The following GABRE variants were observed in gnomAD, a reference collection of about 807,000 sequenced individuals.
The protein encoded by GABRE is gamma-aminobutyric acid receptor subunit epsilon.
GABRE carries 20 observed loss-of-function variants against 31.0 expected under a neutral mutation model. The ratio of observed to expected loss-of-function variants is 0.64; its 90% CI spans 0.45 to 0.94. GABRE has a LOEUF of 0.94. Among genes scored for constraint, GABRE ranks in the 40% least tolerant of loss-of-function variants. The pLI, the probability that GABRE is intolerant of heterozygous loss-of-function variation, is 0.00. For missense variants in GABRE, 420 were observed against 410.7 expected (o/e 1.02, Z -0.20); for synonymous variants, 155 against 150.6 (o/e 1.03, Z -0.21).
chrX:151,972,636 G>A, intron 1 of GABRE: 1 of 752,981 alleles, frequency 1.3e-6, no homozygotes, highest in Non-Finnish European at 1.6e-6. Context: ...AAGCCCTCCT[G>A]CCCCTAGACT....
intron 4 of GABRE, 116 bp downstream of exon 4, chrX:151,962,307 G>T: frequency 1.6e-6 from 1 of 630,103 alleles, no homozygotes. Context: ...TAGGAAAGCT[G>T]GACAGGCCCT....
chrX:151,971,274 T>C, intron 1 of GABRE: 1 of 331,831 alleles, frequency 3.0e-6, no homozygotes, highest in Non-Finnish European at 5.8e-6. Flanking sequence ...TGACAACTCA[T>C]CAGCTGTACA....
intron 3 of GABRE, among the ~76,000 whole-genome samples, chrX:151,967,228 G>A: frequency 8.9e-6 from 1 of 112,235 alleles, no homozygotes; most frequent in East Asian, 2.8e-4. Flanking sequence ...AGAAAAGAAG[G>A]GGCAAACCAG....
chrX:151,972,046 A>AT, intron 1 of GABRE: 1 of 753,174 alleles, frequency 1.3e-6, no homozygotes, highest in Non-Finnish European at 1.6e-6. Context: ...TTCCAAAAGG[A>AT]TTTTTTTAAG....
rs746404141 is a variant in GABRE at position 151,974,618 on chromosome X, GACA to G, written c.5_7del (p.Leu2del). On this transcript the variant is annotated inframe_deletion, in exon 1 of 9. Coordinates refer to ENST00000370328, the MANE Select transcript of GABRE (RefSeq NM_004961.4). Reference sequence around the variant, plus strand: ...GCCTAGGAGGACTGGAAGAACTTTGGACAACATTTCCGCGGAGACCGGCGCGAC... The same window carrying G: ...GCCTAGGAGGACTGGAAGAACTTTGGACATTTCCGCGGAGACCGGCGCGAC... The G allele has an allele frequency of 2.4e-5, 28 of 1,175,559 alleles. No homozygotes were observed. Among genetic ancestry groups the G allele is most frequent in the Middle Eastern group, 2.3e-4 (1 of 4,293 alleles).
chrX:151,974,347 G>T (rs1934824836), intron 1 of GABRE, among the ~76,000 whole-genome samples: 1 of 111,558 alleles, frequency 9.0e-6, no homozygotes, highest in Non-Finnish European at 1.9e-5. Flanking sequence ...CTTCCTTTTG[G>T]AGCTCCCCCT....
intron 3 of GABRE, chrX:151,969,457 G>A (rs1167051602): frequency 2.4e-5 from 8 of 326,655 alleles, no homozygotes; most frequent in Admixed American, 5.6e-5. Context: ...TGGAAGATAT[G>A]GTCATGATTC....
At chrX:151,957,764 C>T (rs1934222511) in intron 6 of GABRE, 1 of 219,465 alleles carries the variant, frequency 4.6e-6, no homozygotes, top group South Asian at 5.7e-5. Context: ...TGAACCAAAG[C>T]AAAAAAATAT....
chrX:151,963,517 C>T (rs1309004345), intron 3 of GABRE, among the ~76,000 whole-genome samples: 1 of 112,438 alleles, frequency 8.9e-6, no homozygotes, highest in East Asian at 2.8e-4. Flanking sequence ...TGATTCCACA[C>T]TTTGGGAAAG....
chrX:151,971,501 T>C (rs1934693634), intron 1 of GABRE: 1 of 155,214 alleles, frequency 6.4e-6, no homozygotes, highest in Non-Finnish European at 1.2e-5. Flanking sequence ...TTTGGTGTAA[T>C]TATGGTATTT....
At position 151,969,718 on chromosome X, in the gene GABRE, G is replaced by A; in HGVS notation, c.293C>T (p.Thr98Ile). The change falls in exon 3 of 9, where the codon ACT (threonine) becomes ATT (isoleucine). Residue 98 changes from threonine (T) to isoleucine (I), a missense_variant. By Grantham distance (89) the Thr-to-Ile change is moderately conservative. Transcript: ENST00000370328. ...PGIGEKPTVV[T>I]VEISVNSLGP... is the part of the protein sequence containing the mutation. ...AAGGCTGTTGACGGAGATCTCAACAGTGACCACAGTGGGCTTCTCTATAAG... is the reference window on the plus strand; with the variant it reads ...AAGGCTGTTGACGGAGATCTCAACAATGACCACAGTGGGCTTCTCTATAAG... 8.3e-7 allele frequency: 1 copy of A among 1,210,254 alleles called. No individual in the cohort carries two copies. The highest frequency in any genetic ancestry group is 1.1e-6 in the Non-Finnish European group (1 of 894,618).
chrX:151,963,631 T>A (rs1168921908), intron 3 of GABRE, among the ~76,000 whole-genome samples: 1 of 112,563 alleles, frequency 8.9e-6, no homozygotes. Flanking sequence ...CTAGAGCACC[T>A]TCCTGGTCAC....
rs1024024589 is a variant in GABRE, at chrX:151,970,877, T to G, written c.57-475A>C. 5.4e-5 allele frequency among the ~76,000 whole-genome samples: 6 copies of G among 110,963 alleles called. No homozygotes were observed. In the East Asian group the frequency reaches 1.7e-3, roughly 32 times the overall value. ...AAATTGTGGGAATATTTTGCGGTTTTGTTGGTTGTGTAATACTCGTTGCAC... is the reference window on the plus strand; with the variant it reads ...AAATTGTGGGAATATTTTGCGGTTTGGTTGGTTGTGTAATACTCGTTGCAC... On this transcript the variant is annotated intron_variant, in intron 1 of 8. Transcript: ENST00000370328.
rs1934657591 is a variant in GABRE at position 151,970,396 on chromosome X, C to G, written c.63G>C (p.Glu21Asp). 2.5e-6 allele frequency: 3 copies of G among 1,210,146 alleles called. No homozygotes were observed. Among genetic ancestry groups the G allele is most frequent in the Non-Finnish European group, 3.4e-6 (3 of 895,212 alleles). Residue 21 changes from glutamate to aspartate, a missense_variant, in exon 2 of 9, where the codon GAG becomes GAC. By Grantham distance (45) the Glu-to-Asp change is conservative. Transcript: ENST00000370328. ...GILLILQSRV[E>D]GPQTESKNEA... Reference sequence around the variant, plus strand: ...CATTCTTTGATTCAGTCTGAGGTCCCTCGACCCTAGAACATTCAAACGAAA... The same window carrying G: ...CATTCTTTGATTCAGTCTGAGGTCCGTCGACCCTAGAACATTCAAACGAAA...
intron 6 of GABRE, 113 bp downstream of exon 6, chrX:151,959,726 G>T (rs778971784): frequency 1.0e-4 from 83 of 814,450 alleles, no homozygotes; most frequent in Admixed American, 4.4e-4. Flanking sequence ...TATAAGACAG[G>T]AGCCATGTCT....
At chrX:151,974,536 C>A in intron 1 of GABRE, 34 bp downstream of exon 1, 1 of 1,069,359 alleles carries the variant, frequency 9.4e-7, no homozygotes, top group Non-Finnish European at 1.2e-6. Context: ...GAGCTGGGCG[C>A]GAAGGGCTCC....
intron 1 of GABRE, chrX:151,972,316 A>G (rs1011550699): frequency 4.0e-6 from 3 of 752,147 alleles, no homozygotes; most frequent in South Asian, 6.8e-5. Context: ...TTCAAATGCC[A>G]TATCTAGAAG....
At chrX:151,959,678 T>G in intron 6 of GABRE, 161 bp downstream of exon 6, 1 of 614,698 alleles carries the variant, frequency 1.6e-6, no homozygotes, top group Non-Finnish European at 2.8e-6. Flanking sequence ...TTACAAAGTC[T>G]CAGTTTCCTC....
intron 1 of GABRE, chrX:151,972,380 G>A (rs1296302243): frequency 1.3e-6 from 1 of 751,732 alleles, no homozygotes; most frequent in Non-Finnish European, 1.6e-6. Flanking sequence ...ATAAGGGCCA[G>A]TGACTATGGG....
Sources: gnomAD v4.1 joint callset for allele counts (sites outside exome capture counted in the v4.1 genomes callset) on GRCh38, gnomAD v4.1.1 for gene constraint, MANE v1.5 for transcripts, NCBI Gene and HGNC (gene_info 2026-07-23, HGNC 2026-07-21) for gene names.